The following CSRNP3 variants were observed in gnomAD, a reference collection of about 807,000 sequenced individuals.
The protein encoded by CSRNP3 is cysteine and serine rich nuclear protein 3.
CSRNP3 carries 12 observed loss-of-function variants against 48.0 expected under a neutral mutation model. That is an observed-to-expected ratio of 0.25 (90% CI 0.16 to 0.41). The LOEUF is 0.41. CSRNP3 is among the 10% of genes least tolerant of loss of function. CSRNP3 has a pLI of 1.00. For synonymous variants in CSRNP3, 263 were observed against 269.7 expected (o/e 0.98, Z 0.24); for missense variants, 580 against 724.4 (o/e 0.80, Z 2.29).
At chr2:165,543,278 T>C (rs146050670) in intron 3 of CSRNP3, among the ~76,000 whole-genome samples, 1,814 of 152,286 alleles carry the variant, frequency 0.012, 36 homozygotes, top group African/African-American at 0.041. Flanking sequence ...TATTTTAATC[T>C]AATTTGTTTA....
rs1399146980 is a variant in CSRNP3 at position 165,688,671 on chromosome 2, A to G, written c.*8918A>G. On this transcript the variant is annotated 3_prime_UTR_variant, in exon 7 of 7. Coordinates refer to ENST00000651982, the MANE Select transcript of CSRNP3 (RefSeq NM_001172173.2). ...GTGAGCTGAATGTATTGGTAGATCA[A>G]ATGATCCAAAGGACTTGGGTGTTAT... is the stretch of plus-strand genomic sequence containing the variant. The G allele has an allele frequency of 1.3e-5, 2 of 152,120 alleles. 1 individual carries two copies. The highest frequency in any genetic ancestry group is 6.3e-3 in the Middle Eastern group (2 of 316). The allele number at this position is 152,120 out of a possible 1,614,324, so 9.4% of individuals were successfully genotyped here.
rs1349770837 is a variant in CSRNP3, at chr2:165,595,116, C to G, written c.51C>G (p.Pro17=). The change falls in exon 4 of 7, where the codon CCC becomes CCG. Residue 17 remains proline, a synonymous_variant. Transcript: ENST00000651982. ...RKFEEVDGSS[P]CSSVRESDDE... is the part of the protein sequence containing the mutation. ...TTGAAGAAGTTGACGGCTCCTCACCCTGCTCCTCTGTGAGGGAATCAGATG... is the reference window on the plus strand; with the variant it reads ...TTGAAGAAGTTGACGGCTCCTCACCGTGCTCCTCTGTGAGGGAATCAGATG... 3 of 1,613,946 alleles carry G rather than the reference C, an allele frequency of 1.9e-6. No individual in the cohort carries two copies. Among genetic ancestry groups the G allele is most frequent in the Admixed American group, 1.7e-5 (1 of 60,018 alleles).
intron 3 of CSRNP3, among the ~76,000 whole-genome samples, chr2:165,522,128 A>C (rs917359714): frequency 2.6e-5 from 4 of 151,916 alleles, no homozygotes; most frequent in African/African-American, 9.7e-5. Flanking sequence ...CCATCTCTAC[A>C]AAAAATACAA....
intron 1 of CSRNP3, among the ~76,000 whole-genome samples, chr2:165,477,684 G>C (rs1683983274): frequency 7.3e-6 from 1 of 137,494 alleles, no homozygotes; most frequent in Non-Finnish European, 1.6e-5. Context: ...AAAAAAAATT[G>C]TAGGCCGGTA....
At position 165,667,020 on chromosome 2, in the gene CSRNP3, AAG is replaced by A. The variant is rs372900759; in HGVS notation, c.408+9009_408+9010del. Among the ~76,000 whole-genome samples the A allele has an allele frequency of 8.5e-4, 28 of 33,024 alleles. 1 individual carries two copies. The highest frequency in any genetic ancestry group is 1.9e-3 in the Non-Finnish European group (19 of 10,154). 21.7% of individuals were successfully genotyped at this position (33,024 alleles called of 152,430 possible). ...GAGAGAGAGAGGAAGGAAGGAAGGA[AAG>A]AGAGAGAGGAAGAAAGAAAGAGAGA... is the stretch of plus-strand genomic sequence containing the variant. On this transcript the variant is annotated intron_variant, in intron 5 of 6. Coordinates refer to ENST00000651982, the MANE Select transcript of CSRNP3 (RefSeq NM_001172173.2).
chr2:165,622,023 T>C (rs1686349109), intron 4 of CSRNP3, among the ~76,000 whole-genome samples: 1 of 152,218 alleles, frequency 6.6e-6, no homozygotes, highest in African/African-American at 2.4e-5. Context: ...TGAGCTGGTC[T>C]CTTTATTCTA....
At chr2:165,564,036 G>A (rs1274324336) in intron 3 of CSRNP3, among the ~76,000 whole-genome samples, 1 of 151,922 alleles carries the variant, frequency 6.6e-6, no homozygotes, top group African/African-American at 2.4e-5. Flanking sequence ...CACCCCTTTT[G>A]GTCTATCGCC....
chr2:165,667,599 G>A (rs1053031489), intron 5 of CSRNP3, among the ~76,000 whole-genome samples: 3 of 152,088 alleles, frequency 2.0e-5, no homozygotes, highest in East Asian at 1.9e-4. Context: ...ATAAAACAGC[G>A]GAGTCCTCTT....
intron 4 of CSRNP3, 110 bp downstream of exon 4, chr2:165,595,323 C>G: frequency 9.4e-7 from 1 of 1,058,928 alleles, no homozygotes; most frequent in Non-Finnish European, 1.4e-6. Flanking sequence ...TCCCATCAAC[C>G]AAATACAAAG....
At chr2:165,648,983 A>G (rs1264780918) in intron 4 of CSRNP3, among the ~76,000 whole-genome samples, 1 of 152,144 alleles carries the variant, frequency 6.6e-6, no homozygotes, top group Non-Finnish European at 1.5e-5. Context: ...CTGTCAAGAG[A>G]GACTGGGAGG....
chr2:165,596,135 ATTTTTTTT>A (rs11317294), intron 4 of CSRNP3, among the ~76,000 whole-genome samples: 17 of 120,480 alleles, frequency 1.4e-4, no homozygotes, highest in Admixed American at 1.2e-3. Flanking sequence ...TTTCTTTTTG[ATTTTTTTT>A]TTTTTTTTTT....
chr2:165,601,619 G>A (rs1228978859), intron 4 of CSRNP3, among the ~76,000 whole-genome samples: 1 of 151,966 alleles, frequency 6.6e-6, no homozygotes, highest in Non-Finnish European at 1.5e-5. Context: ...CTTTACCCAA[G>A]AGCTAAGATA....
At chr2:165,478,612 A>C (rs1684000524) in intron 1 of CSRNP3, among the ~76,000 whole-genome samples, 1 of 152,152 alleles carries the variant, frequency 6.6e-6, no homozygotes, top group African/African-American at 2.4e-5. Flanking sequence ...TTTATTGAAC[A>C]TTTCTTGAAT....
chr2:165,502,880 A>T lies in CSRNP3; in HGVS notation c.-113+7952A>T, dbSNP rs141562303. ...AAACATGTACCAATGTTTGCACTTGAATTTCTCTGAATTGTAGGAAGCTAA... is the reference window on the plus strand; with the variant it reads ...AAACATGTACCAATGTTTGCACTTGTATTTCTCTGAATTGTAGGAAGCTAA... On this transcript the variant is annotated intron_variant, in intron 2 of 6. Coordinates refer to ENST00000651982, the MANE Select transcript of CSRNP3 (RefSeq NM_001172173.2). 3.3e-5 allele frequency among the ~76,000 whole-genome samples: 5 copies of T among 151,966 alleles called. No individual in the cohort carries two copies. The East Asian group carries it at 7.7e-4, about 24-fold the overall frequency.
At chr2:165,576,004 G>A (rs1685444774) in intron 3 of CSRNP3, among the ~76,000 whole-genome samples, 1 of 151,370 alleles carries the variant, frequency 6.6e-6, no homozygotes, top group Non-Finnish European at 1.5e-5. Flanking sequence ...GTCAGAATAT[G>A]CTGTCCTCTG....
chr2:165,619,624 C>G (rs1355910810), intron 4 of CSRNP3, among the ~76,000 whole-genome samples: 1 of 152,078 alleles, frequency 6.6e-6, no homozygotes, highest in Non-Finnish European at 1.5e-5. Flanking sequence ...AAGACACTAT[C>G]AAAAAGTGAA....
At position 165,666,530 on chromosome 2, in the gene CSRNP3, GAGGA is replaced by G. The variant is rs765642864; in HGVS notation, c.408+8528_408+8531del. Among the ~76,000 whole-genome samples, 154 of 45,552 alleles carry G rather than the reference GAGGA, an allele frequency of 3.4e-3. 31 individuals are homozygous for G. Among genetic ancestry groups the G allele is most frequent in the Admixed American group, 9.8e-3 (39 of 3,972 alleles). 29.9% of individuals were successfully genotyped at this position (45,552 alleles called of 152,430 possible). The stretch of plus-strand genomic sequence containing the variant: ...AGAGAGGAAGAAAGAAAGACAGAGA[GAGGA>G]AGGAAGGAAGGAAGGAAAGAGAGAG... On this transcript the variant is annotated intron_variant, in intron 5 of 6. Transcript: ENST00000651982.
At chr2:165,605,405 C>G (rs1685992834) in intron 4 of CSRNP3, among the ~76,000 whole-genome samples, 2 of 152,042 alleles carry the variant, frequency 1.3e-5, no homozygotes, top group Admixed American at 1.3e-4. Flanking sequence ...CTGGTCACCT[C>G]CATCTAAAGT....
intron 4 of CSRNP3, among the ~76,000 whole-genome samples, chr2:165,640,381 A>G (rs1040313845): frequency 6.6e-6 from 1 of 152,196 alleles, no homozygotes; most frequent in Non-Finnish European, 1.5e-5. Flanking sequence ...CTTTTTGTCC[A>G]CTATTCATGT....
Sources: allele counts gnomAD v4.1 joint callset (sites outside exome capture counted in the v4.1 genomes callset), GRCh38; gene constraint gnomAD v4.1.1; transcripts MANE v1.5; gene names NCBI Gene and HGNC (gene_info 2026-07-23, HGNC 2026-07-21).